The following CA10 variants were observed in gnomAD, a reference collection of about 807,000 sequenced individuals.
The protein encoded by CA10 is carbonic anhydrase-related protein 10.
Under a neutral mutation model 44.2 loss-of-function variants are expected in CA10, and 14 were observed. The observed-to-expected ratio is 0.32, with a 90% confidence interval of 0.21 to 0.50. The LOEUF is 0.50. CA10 is among the 20% of genes least tolerant of loss of function. The probability of loss-of-function intolerance (pLI) is 0.99; values close to 1 mark genes in which losing one functional copy is unlikely to be tolerated. For missense variants in CA10, 350 were observed against 409.7 expected (o/e 0.85, Z 1.26); for synonymous variants, 159 against 141.6 (o/e 1.12, Z -0.87).
chr17:51,957,090 T>C (rs1983695433), intron 2 of CA10, among the ~76,000 whole-genome samples: 1 of 152,190 alleles, frequency 6.6e-6, no homozygotes, highest in Non-Finnish European at 1.5e-5. Flanking sequence ...TGATTGTTTT[T>C]CCTCAGTTTT....
intron 1 of CA10, among the ~76,000 whole-genome samples, chr17:52,113,251 G>T (rs1988823768): frequency 6.6e-6 from 1 of 152,108 alleles, no homozygotes; most frequent in Non-Finnish European, 1.5e-5. Context: ...ATGTAAAGTG[G>T]GGATAAAATT....
chr17:52,082,628 T>C (rs1045071213), intron 1 of CA10, among the ~76,000 whole-genome samples: 5 of 152,200 alleles, frequency 3.3e-5, no homozygotes, highest in African/African-American at 1.2e-4. Flanking sequence ...GAAGTATATA[T>C]GTTGAGTTAC....
chr17:51,668,871 G>A (rs1033062027), intron 4 of CA10, among the ~76,000 whole-genome samples: 4 of 152,310 alleles, frequency 2.6e-5, no homozygotes, highest in South Asian at 2.1e-4. Flanking sequence ...TGGAGCGGCC[G>A]GCCGGCATCA....
At chr17:51,875,902 T>C (rs1340438207) in intron 3 of CA10, among the ~76,000 whole-genome samples, 3 of 152,190 alleles carry the variant, frequency 2.0e-5, no homozygotes, top group Non-Finnish European at 4.4e-5. Context: ...GTTCTATAAA[T>C]GGAATAATAT....
At chr17:51,737,724 G>A (rs538506776) in intron 4 of CA10, among the ~76,000 whole-genome samples, 1 of 152,208 alleles carries the variant, frequency 6.6e-6, no homozygotes, top group Admixed American at 6.5e-5. Flanking sequence ...CCAACTCTTA[G>A]GCCATTGTCC....
intron 4 of CA10, among the ~76,000 whole-genome samples, chr17:51,682,932 A>G (rs1221776805): frequency 1.3e-5 from 2 of 152,198 alleles, no homozygotes. Flanking sequence ...TTGCCTGCTT[A>G]TAAGAACCAC....
chr17:52,052,521 TAGAAA>T (rs1987106506), intron 2 of CA10, among the ~76,000 whole-genome samples: 1 of 152,022 alleles, frequency 6.6e-6, no homozygotes, highest in Admixed American at 6.6e-5. Context: ...GAAAAGATAT[TAGAAA>T]AGAAATGAAT....
intron 2 of CA10, among the ~76,000 whole-genome samples, chr17:52,064,716 G>A (rs1987486933): frequency 6.6e-6 from 1 of 152,176 alleles, no homozygotes; most frequent in Non-Finnish European, 1.5e-5. Context: ...CAAGCTGGGA[G>A]GGTTATTGAC....
intron 4 of CA10, among the ~76,000 whole-genome samples, chr17:51,731,240 G>T (rs954909987): frequency 1.3e-5 from 2 of 152,210 alleles, no homozygotes; most frequent in Non-Finnish European, 2.9e-5. Flanking sequence ...AGCTGGGCAT[G>T]GTGGCATGTG....
chr17:51,764,792 A>G (rs1039451595), intron 3 of CA10, among the ~76,000 whole-genome samples: 1 of 152,198 alleles, frequency 6.6e-6, no homozygotes, highest in African/African-American at 2.4e-5. Flanking sequence ...TTTCTTGATT[A>G]AGAACCAAAT....
At chr17:51,918,484 C>T (rs912791313) in intron 3 of CA10, among the ~76,000 whole-genome samples, 1 of 152,094 alleles carries the variant, frequency 6.6e-6, no homozygotes, top group Non-Finnish European at 1.5e-5. Flanking sequence ...AAACTGTGTG[C>T]GTGTATACAT....
chr17:52,094,198 G>A (rs765587883), intron 1 of CA10, among the ~76,000 whole-genome samples: 1 of 151,910 alleles, frequency 6.6e-6, no homozygotes, highest in Non-Finnish European at 1.5e-5. Context: ...TGTAGGTGAC[G>A]AGTTGATGGG....
intron 4 of CA10, among the ~76,000 whole-genome samples, chr17:51,657,949 A>G (rs1349645932): frequency 1.3e-5 from 2 of 152,244 alleles, no homozygotes; most frequent in East Asian, 1.9e-4. Flanking sequence ...TTTAGTTGGC[A>G]TTACCATGTG....
intron 1 of CA10, among the ~76,000 whole-genome samples, chr17:52,133,354 A>G (rs1989283217): frequency 6.6e-6 from 1 of 152,150 alleles, no homozygotes; most frequent in African/African-American, 2.4e-5. Context: ...GAAGGCCTTT[A>G]AATGTCTATT....
intron 6 of CA10, among the ~76,000 whole-genome samples, chr17:51,641,827 A>G (rs562092400): frequency 1.4e-4 from 21 of 152,244 alleles, no homozygotes; most frequent in Middle Eastern, 3.4e-3. Flanking sequence ...GCCTCTGTTA[A>G]ATGCATTGTG....
At chr17:52,035,051 CA>C (rs2144180254) in intron 2 of CA10, among the ~76,000 whole-genome samples, 1 of 152,220 alleles carries the variant, frequency 6.6e-6, no homozygotes, top group Non-Finnish European at 1.5e-5. Context: ...AAATTCTAGC[CA>C]GAAAAGGGTG....
chr17:51,926,032 A>G (rs1011568150), intron 3 of CA10, among the ~76,000 whole-genome samples: 1 of 152,158 alleles, frequency 6.6e-6, no homozygotes, highest in Non-Finnish European at 1.5e-5. Context: ...TGACTGCACA[A>G]TAGCCTGAAT....
chr17:52,099,579 G>GT (rs1330038582), intron 1 of CA10, among the ~76,000 whole-genome samples: 14 of 152,106 alleles, frequency 9.2e-5, no homozygotes, highest in Admixed American at 4.6e-4. Context: ...TTGGATCATG[G>GT]TAAGTTTCAG....
chr17:52,119,470 G>GT (rs1168240526), intron 1 of CA10, among the ~76,000 whole-genome samples: 1 of 152,082 alleles, frequency 6.6e-6, no homozygotes, highest in East Asian at 1.9e-4. Context: ...CTGACCCATG[G>GT]TAAGTAAAGA....
Sources: allele counts gnomAD v4.1 joint callset (sites outside exome capture counted in the v4.1 genomes callset), GRCh38; gene constraint gnomAD v4.1.1; transcripts MANE v1.5; gene names NCBI Gene and HGNC (gene_info 2026-07-23, HGNC 2026-07-21).